Variants in MYL1 observed in about 807,000 individuals in gnomAD.
MYL1 encodes myosin light chain 1.
A neutral mutation model predicts 21.8 loss-of-function variants in MYL1; 16 were observed. The ratio of observed to expected loss-of-function variants is 0.74; its 90% CI spans 0.50 to 1.12. The LOEUF (loss-of-function observed/expected upper bound fraction) is 1.12, where lower values mean the gene tolerates loss of function less well. MYL1 is among the 50% of genes most tolerant of loss of function. The pLI is 0.00. For missense variants in MYL1, 246 were observed against 241.0 expected, an observed-to-expected ratio of 1.02 and a Z score of -0.14; for synonymous variants, 99 against 85.2, an observed-to-expected ratio of 1.16 and a Z score of -0.89.
chr2:210,309,003 A>G (rs1690379752), intron 1 of MYL1, among the ~76,000 whole-genome samples: 1 of 152,086 alleles, frequency 6.6e-6, no homozygotes, highest in South Asian at 2.1e-4. Context: ...AGACTTCAAG[A>G]ACTTGTGGAA....
At chr2:210,308,152 A>G (rs1207369353) in intron 1 of MYL1, among the ~76,000 whole-genome samples, 2 of 151,920 alleles carry the variant, frequency 1.3e-5, no homozygotes, top group Non-Finnish European at 2.9e-5. Context: ...GTTTTCAATC[A>G]AAGAAAACAC....
At chr2:210,308,893 T>G (rs978922670) in intron 1 of MYL1, among the ~76,000 whole-genome samples, 1 of 152,060 alleles carries the variant, frequency 6.6e-6, no homozygotes, top group African/African-American at 2.4e-5. Flanking sequence ...ATTCTTTGTG[T>G]GTGTGTTTTA....
intron 1 of MYL1, chr2:210,303,750 A>C: frequency 2.0e-6 from 1 of 509,904 alleles, no homozygotes; most frequent in Non-Finnish European, 3.3e-6. Flanking sequence ...GGAAAGATGG[A>C]TCTGTACCCT....
intron 1 of MYL1, among the ~76,000 whole-genome samples, chr2:210,311,235 A>G (rs1252410706): frequency 2.0e-5 from 3 of 152,078 alleles, no homozygotes; most frequent in Non-Finnish European, 4.4e-5. Context: ...ATGAGAAAAA[A>G]GAACTTACAG....
chr2:210,306,364 G>C (rs1575706357), intron 1 of MYL1, among the ~76,000 whole-genome samples: 1 of 141,954 alleles, frequency 7.0e-6, no homozygotes, highest in East Asian at 2.1e-4. Context: ...CTGGGCTACA[G>C]AGCAAGACTC....
At chr2:210,310,575 A>G (rs1163662627) in intron 1 of MYL1, among the ~76,000 whole-genome samples, 2 of 152,090 alleles carry the variant, frequency 1.3e-5, no homozygotes, top group African/African-American at 2.4e-5. Context: ...TCCATTTACA[A>G]CATCTTATAG....
At chr2:210,304,488 C>T (rs1690310409) in intron 1 of MYL1, among the ~76,000 whole-genome samples, 1 of 152,042 alleles carries the variant, frequency 6.6e-6, no homozygotes, top group Non-Finnish European at 1.5e-5. Flanking sequence ...AGTCCCTAGA[C>T]CAAGAAGCCA....
In MYL1 at chr2:210,291,018, G is replaced by T; in HGVS notation, c.*14+14C>A. 6.4e-7 allele frequency: 1 copy of T among 1,557,764 alleles called. No homozygotes were observed. The highest frequency in any genetic ancestry group is 8.7e-7 in the Non-Finnish European group (1 of 1,143,836). ...AAGAAATCCTTAAATATTAAAGAGGGAACTGGTATATACCTTGAGAGCTCC... is the reference window on the plus strand; with the variant it reads ...AAGAAATCCTTAAATATTAAAGAGGTAACTGGTATATACCTTGAGAGCTCC... On this transcript the variant is annotated intron_variant, in intron 6 of 6. Transcript: ENST00000352451.
Position 210,298,550 on chromosome 2 carries a change from T to C in MYL1, c.174A>G (p.Ala58=). Residue 58 remains alanine (A), a synonymous_variant, in exon 3 of 7, where the codon GCA becomes GCG. Transcript: ENST00000352451. ...CACCTGTTCTGTCAAACAGGAGAAA[T>C]GCCTCCTTGAATTCTGCAAAAAGCA... is the stretch of plus-strand genomic sequence containing the variant. ...SKEQQDEFKE[A]FLLFDRTGDS... is the part of the protein sequence containing the mutation. 6.2e-7 allele frequency: 1 copy of C among 1,613,986 alleles called. No individual in the cohort carries two copies. The highest frequency in any genetic ancestry group is 1.3e-5 in the African/African-American group (1 of 75,038).
At chr2:210,300,685 T>A (rs1690252169) in intron 2 of MYL1, among the ~76,000 whole-genome samples, 2 of 152,110 alleles carry the variant, frequency 1.3e-5, no homozygotes. Flanking sequence ...CTAGTGCAAG[T>A]GAGGAAAATG....
Position 210,303,530 on chromosome 2 carries a change from C to T in MYL1, c.133-1015G>A, listed in dbSNP as rs747926195. The T allele has an allele frequency of 5.0e-6, 8 of 1,610,502 alleles. No homozygotes were observed. In the African/African-American group the frequency reaches 1.1e-4, roughly 22 times the overall value. ...TCCTATAAATGACAAATTATTGTCT[C>T]ATAGGACCCACCATGATGGAGCGGC... is the stretch of plus-strand genomic sequence containing the variant. On this transcript the variant is annotated intron_variant, in intron 1 of 6. Transcript: ENST00000352451.
chr2:210,294,831 T>C (rs1333182248), intron 3 of MYL1, among the ~76,000 whole-genome samples: 1 of 152,194 alleles, frequency 6.6e-6, no homozygotes, highest in Admixed American at 6.5e-5. Flanking sequence ...CCATAAATAC[T>C]TGCAAGCAAT....
intron 2 of MYL1, 103 bp downstream of exon 2, chr2:210,302,385 T>A: frequency 9.6e-7 from 1 of 1,046,142 alleles, no homozygotes; most frequent in East Asian, 2.6e-5. Flanking sequence ...GCAACACCAG[T>A]GGGGATAATT....
In MYL1 at chr2:210,314,960, G is replaced by A; in HGVS notation, c.83C>T (p.Pro28Leu). 1 of 1,613,592 alleles carries A rather than the reference G, an allele frequency of 6.2e-7. No individual in the cohort carries two copies. Among genetic ancestry groups the A allele is most frequent in the African/African-American group, 1.3e-5 (1 of 74,976 alleles). The change falls in exon 1 of 7, where the codon CCT (proline) becomes CTT (leucine). Residue 28 changes from proline to leucine, a missense_variant. Physicochemically the swap from Pro to Leu is moderately conservative, Grantham distance 98 (BLOSUM62 -3). Coordinates refer to ENST00000352451, the MANE Select transcript of MYL1 (RefSeq NM_079420.3). Reference protein sequence around the residue: ...PAPAPAPAPAPAPAKPKEEKI... With the variant: ...PAPAPAPAPALAPAKPKEEKI... ...TTCTTCTTTGGGTTTGGCTGGGGCA[G>A]GGGCAGGTGCAGGTGCCGGTGCCGG... is the stretch of plus-strand genomic sequence containing the variant.
chr2:210,314,482 G>C (rs1242526018), intron 1 of MYL1, among the ~76,000 whole-genome samples: 1 of 152,158 alleles, frequency 6.6e-6, no homozygotes, highest in Non-Finnish European at 1.5e-5. Context: ...CGGGCCATCA[G>C]CTGTTTTTAA....
chr2:210,308,127 A>G (rs1690365493), intron 1 of MYL1, among the ~76,000 whole-genome samples: 1 of 152,038 alleles, frequency 6.6e-6, no homozygotes, highest in African/African-American at 2.4e-5. Flanking sequence ...AAAGAAGCTA[A>G]TATAATCAGG....
Position 210,298,514 on chromosome 2 carries a change from G to A in MYL1, c.210C>T (p.Ile70=). The change falls in exon 3 of 7, where the codon ATC becomes ATT. Residue 70 remains isoleucine (I), a synonymous_variant. Coordinates refer to ENST00000352451, the MANE Select transcript of MYL1 (RefSeq NM_079420.3). ...LLFDRTGDSK[I]TLSQVGDVLR... ...GGACATCACCGACCTGGCTTAAGGT[G>A]ATCTTGGAATCACCTGTTCTGTCAA... 1 of 1,614,060 alleles carries A rather than the reference G, an allele frequency of 6.2e-7. No homozygotes were observed. The highest frequency in any genetic ancestry group is 8.5e-7 in the Non-Finnish European group (1 of 1,179,992).
At chr2:210,291,376 C>G (rs1254999846) in intron 5 of MYL1, among the ~76,000 whole-genome samples, 1 of 152,138 alleles carries the variant, frequency 6.6e-6, no homozygotes, top group Non-Finnish European at 1.5e-5. Context: ...AATCCTCCTG[C>G]TTTAGCCTCC....
chr2:210,303,605 G>A lies in MYL1; in HGVS notation c.133-1090C>T, dbSNP rs144118989. On this transcript the variant is annotated intron_variant, in intron 1 of 6. Transcript: ENST00000352451. ...TGAAGAGTGAGTTGAGGGCTGCTCCGGTCCCTGAGTGGGGTCATCCCTGGC... is the reference window on the plus strand; with the variant it reads ...TGAAGAGTGAGTTGAGGGCTGCTCCAGTCCCTGAGTGGGGTCATCCCTGGC... 1.4e-3 allele frequency: 2,289 copies of A among 1,595,420 alleles called. 28 individuals are homozygous for A. The African/African-American group carries it at 0.027, about 19-fold the overall frequency.
Sources: gnomAD v4.1 joint callset for allele counts (sites outside exome capture counted in the v4.1 genomes callset) on GRCh38, gnomAD v4.1.1 for gene constraint, MANE v1.5 for transcripts, NCBI Gene and HGNC (gene_info 2026-07-23, HGNC 2026-07-21) for gene names.